The following UGT1A8 variants were observed in gnomAD, a reference collection of about 807,000 sequenced individuals.
The protein encoded by UGT1A8 is UDP glucuronosyltransferase family 1 member A8.
In UGT1A8, 39 loss-of-function variants were observed where a neutral mutation model predicts 45.3. The ratio of observed to expected loss-of-function variants is 0.86; its 90% CI spans 0.67 to 1.12. The LOEUF is 1.12. Among genes scored for constraint, UGT1A8 ranks in the 50% most tolerant of loss-of-function variants. The probability of loss-of-function intolerance (pLI) is 0.00; values close to 1 mark genes in which losing one functional copy is unlikely to be tolerated. For synonymous variants in UGT1A8, 275 were observed against 249.2 expected (o/e 1.10, Z -0.97); for missense variants, 719 against 664.9 (o/e 1.08, Z -0.90).
At chr2:233,698,599 A>G (rs1335683443) in intron 1 of UGT1A8, among the ~76,000 whole-genome samples, 2 of 152,236 alleles carry the variant, frequency 1.3e-5, no homozygotes, top group African/African-American at 2.4e-5. Flanking sequence ...AGAAATTCGG[A>G]TTAATAAACA....
intron 1 of UGT1A8, among the ~76,000 whole-genome samples, chr2:233,741,294 T>C (rs954332893): frequency 1.3e-5 from 2 of 151,798 alleles, no homozygotes; most frequent in African/African-American, 4.9e-5. Context: ...ATGTACCCAA[T>C]TGTGTAGATA....
At chr2:233,624,453 G>C (rs2073061147) in intron 1 of UGT1A8, among the ~76,000 whole-genome samples, 1 of 152,082 alleles carries the variant, frequency 6.6e-6, no homozygotes. Context: ...TCTTGCATGT[G>C]AATATTCAAC....
intron 1 of UGT1A8, among the ~76,000 whole-genome samples, chr2:233,688,474 C>G (rs1258940143): frequency 6.6e-6 from 1 of 152,216 alleles, no homozygotes; most frequent in Non-Finnish European, 1.5e-5. Context: ...TGGGAAATGT[C>G]CTATCTCCAT....
chr2:233,712,943 G>A, intron 1 of UGT1A8: 1 of 1,612,442 alleles, frequency 6.2e-7, no homozygotes. Flanking sequence ...AACAATTCTA[G>A]GAGGCACAAC....
intron 1 of UGT1A8, among the ~76,000 whole-genome samples, chr2:233,649,530 T>G (rs1433882108): frequency 6.6e-6 from 1 of 152,254 alleles, no homozygotes; most frequent in Non-Finnish European, 1.5e-5. Flanking sequence ...ATACTTATTT[T>G]ATGAAAATCA....
At chr2:233,683,006 T>C (rs1231336803) in intron 1 of UGT1A8, among the ~76,000 whole-genome samples, 1 of 152,186 alleles carries the variant, frequency 6.6e-6, no homozygotes, top group East Asian at 1.9e-4. Flanking sequence ...GATATAATTG[T>C]AGATCATATC....
At chr2:233,766,970 TACTG>T in intron 1 of UGT1A8, 60 bp from the exon 2 acceptor site, 8 of 1,610,026 alleles carry the variant, frequency 5.0e-6, no homozygotes, top group Non-Finnish European at 6.8e-6. Flanking sequence ...ATTCATAACT[TACTG>T]TATGTAGTCA....
At chr2:233,743,189 T>C in intron 1 of UGT1A8, 3 of 374,868 alleles carry the variant, frequency 8.0e-6, no homozygotes, top group Non-Finnish European at 1.6e-5. Context: ...GGACTGGAAT[T>C]ACTTGGTGTC....
intron 1 of UGT1A8, among the ~76,000 whole-genome samples, chr2:233,761,431 T>C (rs1333766106): frequency 6.6e-6 from 1 of 152,234 alleles, no homozygotes; most frequent in Non-Finnish European, 1.5e-5. Context: ...TTAAATGCCA[T>C]AGGCACAGAA....
chr2:233,671,924 G>C, intron 1 of UGT1A8: 3 of 1,597,406 alleles, frequency 1.9e-6, no homozygotes, highest in Non-Finnish European at 2.6e-6. Context: ...GCTCTCAGCT[G>C]CAGTTCTCTG....
chr2:233,690,814 G>C, intron 1 of UGT1A8: 1 of 1,077,024 alleles, frequency 9.3e-7, no homozygotes, highest in Admixed American at 4.8e-5. Context: ...TCTTAGTACA[G>C]TCAAAGCTCA....
chr2:233,703,365 T>A (rs919646381), intron 1 of UGT1A8, among the ~76,000 whole-genome samples: 2 of 152,170 alleles, frequency 1.3e-5, no homozygotes, highest in Non-Finnish European at 2.9e-5. Context: ...AACTTTAGGT[T>A]TATCAATTTT....
intron 1 of UGT1A8, chr2:233,692,747 GACTTGT>G (rs1369866976): frequency 9.1e-7 from 1 of 1,095,760 alleles, no homozygotes; most frequent in Non-Finnish European, 1.2e-6. Context: ...GGGAGAAGCA[GACTTGT>G]GGAGCTGAAG....
intron 1 of UGT1A8, among the ~76,000 whole-genome samples, chr2:233,757,296 G>A (rs1428870685): frequency 7.7e-6 from 1 of 129,554 alleles, no homozygotes; most frequent in African/African-American, 2.9e-5. Flanking sequence ...ACAGCTGGGG[G>A]TTGGGGGACA....
At chr2:233,685,050 C>T (rs1446648716) in intron 1 of UGT1A8, among the ~76,000 whole-genome samples, 3 of 151,600 alleles carry the variant, frequency 2.0e-5, no homozygotes, top group Non-Finnish European at 2.9e-5. Flanking sequence ...TGTGCAATGT[C>T]TTAAGCTCTG....
chr2:233,706,707 T>C (rs1380660987), intron 1 of UGT1A8, among the ~76,000 whole-genome samples: 2 of 152,154 alleles, frequency 1.3e-5, no homozygotes, highest in Non-Finnish European at 2.9e-5. Context: ...TGAAAAGTCA[T>C]GGAATTCTGG....
At chr2:233,756,429 T>C (rs2125943260) in intron 1 of UGT1A8, 1 of 152,364 alleles carries the variant, frequency 6.6e-6, no homozygotes, top group South Asian at 2.1e-4. Context: ...ACTGTTTTTT[T>C]TTCATTGTTG....
intron 1 of UGT1A8, among the ~76,000 whole-genome samples, chr2:233,645,321 G>C (rs1182823740): frequency 6.6e-6 from 1 of 152,094 alleles, no homozygotes; most frequent in Non-Finnish European, 1.5e-5. Flanking sequence ...TTTAGGTGGG[G>C]ACACAGCCAA....
Position 233,748,244 on chromosome 2 carries a change from G to A in UGT1A8, c.856-18790G>A, listed in dbSNP as rs181996074. Among the ~76,000 whole-genome samples the A allele has an allele frequency of 5.8e-4, 88 of 151,858 alleles. 1 individual carries two copies. Among genetic ancestry groups the A allele is most frequent in the African/African-American group, 1.9e-3 (79 of 41,160 alleles). ...AAACTGTTAAGGGGTCTCTAGTAGCGTATTTCAGGTTTTAAATGGTCAATG... is the reference window on the plus strand; with the variant it reads ...AAACTGTTAAGGGGTCTCTAGTAGCATATTTCAGGTTTTAAATGGTCAATG... On this transcript the variant is annotated intron_variant, in intron 1 of 4. Transcript: ENST00000373450.
Sources: gnomAD v4.1 joint callset for allele counts (sites outside exome capture counted in the v4.1 genomes callset) on GRCh38, gnomAD v4.1.1 for gene constraint, MANE v1.5 for transcripts, NCBI Gene and HGNC (gene_info 2026-07-23, HGNC 2026-07-21) for gene names.